The following ANKRD17 variants were observed in gnomAD, a reference collection of about 807,000 sequenced individuals.
The protein encoded by ANKRD17 is ankyrin repeat domain-containing protein 17.
ANKRD17 carries 19 observed loss-of-function variants against 229.7 expected under a neutral mutation model. The observed-to-expected ratio is 0.08, with a 90% CI of 0.06 to 0.12. The LOEUF is 0.12. Ranked by LOEUF, ANKRD17 falls within the 10% of genes least tolerant of loss-of-function variation. The pLI is 1.00. For missense variants in ANKRD17, 2,176 were observed against 3,176.8 expected, an observed-to-expected ratio of 0.68 and a Z score of 7.57; for synonymous variants, 1,112 against 1,146.1, an observed-to-expected ratio of 0.97 and a Z score of 0.60.
At chr4:73,083,207 G>C (rs961308100) in intron 30 of ANKRD17, among the ~76,000 whole-genome samples, 3 of 152,176 alleles carry the variant, frequency 2.0e-5, no homozygotes, top group Non-Finnish European at 4.4e-5. Flanking sequence ...TGTGAGCCTT[G>C]AGTGGTAGTT....
intron 1 of ANKRD17, 151 bp downstream of exon 1, chr4:73,258,125 T>G: frequency 7.2e-7 from 1 of 1,384,716 alleles, no homozygotes; most frequent in East Asian, 2.4e-5. Context: ...CACCTCACGA[T>G]TTAGGCCGAG....
At chr4:73,181,743 T>A (rs1023714110) in intron 1 of ANKRD17, among the ~76,000 whole-genome samples, 4 of 151,884 alleles carry the variant, frequency 2.6e-5, no homozygotes, top group Non-Finnish European at 4.4e-5. Flanking sequence ...ATGGTCCAAA[T>A]AAGAAATTAA....
intron 6 of ANKRD17, 61 bp downstream of exon 6, chr4:73,153,819 A>G (rs957794738): frequency 5.2e-6 from 6 of 1,156,216 alleles, no homozygotes; most frequent in Non-Finnish European, 7.0e-6. Flanking sequence ...ACAAGATTAC[A>G]TAAAATAATT....
Position 73,074,799 on chromosome 4 carries a change from T to C in ANKRD17, c.*1432A>G, listed in dbSNP as rs1720902518. ...ACAAATTGATATATACATTACTCGA[T>C]TTTTATGCTTACTTTCTTTTACATT... On this transcript the variant is annotated 3_prime_UTR_variant, in exon 34 of 34. Coordinates refer to ENST00000358602, the MANE Select transcript of ANKRD17 (RefSeq NM_032217.5). 1 of 152,482 alleles carries C rather than the reference T, an allele frequency of 6.6e-6. No homozygotes were observed. Among genetic ancestry groups the C allele is most frequent in the Non-Finnish European group, 1.5e-5 (1 of 67,896 alleles). The allele number at this position is 152,482 out of a possible 1,614,324, so 9.4% of individuals were successfully genotyped here. A position where few individuals can be genotyped will look rare whatever the true frequency, so the allele number is the denominator to read the frequency against.
intron 29 of ANKRD17, among the ~76,000 whole-genome samples, chr4:73,087,397 A>T (rs2110137175): frequency 6.6e-6 from 1 of 152,298 alleles, no homozygotes; most frequent in African/African-American, 2.4e-5. Context: ...TCTGTCATTG[A>T]TAAAATGCAG....
At chr4:73,246,353 G>A (rs1245850818) in intron 1 of ANKRD17, among the ~76,000 whole-genome samples, 1 of 152,176 alleles carries the variant, frequency 6.6e-6, no homozygotes, top group Non-Finnish European at 1.5e-5. Context: ...AAGAGGGAGA[G>A]ATAGTTGTTT....
At position 73,219,903 on chromosome 4, in the gene ANKRD17, A is replaced by T. The variant is rs113583252; in HGVS notation, c.393+38373T>A. On this transcript the variant is annotated intron_variant, in intron 1 of 33. Transcript: ENST00000358602. Reference sequence around the variant, plus strand: ...ACTTAATCAAAATTAAAGGATGGAAATATCTGTGAAGATTTCTTATTACTA... The same window carrying T: ...ACTTAATCAAAATTAAAGGATGGAATTATCTGTGAAGATTTCTTATTACTA... Among the ~76,000 whole-genome samples, 1,218 of 152,316 alleles carry T rather than the reference A, an allele frequency of 8.0e-3. 18 individuals carry two copies. Among genetic ancestry groups the T allele is most frequent in the African/African-American group, 0.028 (1,145 of 41,570 alleles).
chr4:73,103,820 C>T (rs1724283192), intron 24 of ANKRD17, among the ~76,000 whole-genome samples: 1 of 140,072 alleles, frequency 7.1e-6, no homozygotes, highest in Non-Finnish European at 1.5e-5. Flanking sequence ...TCAAATTAAC[C>T]CTCTCCGGTT....
chr4:73,206,546 T>C (rs1048045327), intron 1 of ANKRD17, among the ~76,000 whole-genome samples: 19 of 148,874 alleles, frequency 1.3e-4, no homozygotes, highest in African/African-American at 4.4e-4. Context: ...GAGAACACTG[T>C]GCTCAATGAA....
At chr4:73,106,616 C>G (rs1288505984) in intron 24 of ANKRD17, among the ~76,000 whole-genome samples, 3 of 152,130 alleles carry the variant, frequency 2.0e-5, no homozygotes, top group Non-Finnish European at 4.4e-5. Flanking sequence ...CACGGTGGCT[C>G]ACGCCTGTAA....
Position 73,258,330 on chromosome 4 carries a change from A to G in ANKRD17, c.339T>C (p.Ser113=), listed in dbSNP as rs141255932. The change falls in exon 1 of 34, where the codon AGT becomes AGC. Residue 113 remains serine, a synonymous_variant. Coordinates refer to ENST00000358602, the MANE Select transcript of ANKRD17 (RefSeq NM_032217.5). ...GGGGGGGGTS[S]NNSEEEEDDD... is the part of the protein sequence containing the mutation. ...CGTCCTCTTCTTCCTCGCTGTTGTT[A>G]CTGCTGGTGCCGCCGCCGCCACCTC... The G allele has an allele frequency of 1.8e-5, 29 of 1,612,878 alleles. No individual in the cohort carries two copies. Among genetic ancestry groups the G allele is most frequent in the Non-Finnish European group, 2.5e-5 (29 of 1,179,842 alleles).
intron 16 of ANKRD17, 75 bp downstream of exon 16, chr4:73,135,039 TAAA>T: frequency 6.9e-7 from 1 of 1,441,064 alleles, no homozygotes. Context: ...TTTCATGGTT[TAAA>T]TCTCTGAAAG....
Position 73,090,909 on chromosome 4 carries a change from G to C in ANKRD17, c.6719C>G (p.Pro2240Arg). 2 of 1,614,234 alleles carry C rather than the reference G, an allele frequency of 1.2e-6. No homozygotes were observed. Among genetic ancestry groups the C allele is most frequent in the Non-Finnish European group, 1.7e-6 (2 of 1,180,048 alleles). ...CQNSVHPANKPIAPNFSAPLP... is the reference protein window; with the variant it reads ...CQNSVHPANKRIAPNFSAPLP... The stretch of plus-strand genomic sequence containing the variant: ...GGGGGCACTGAAATTGGGAGCAATA[G>C]GCTTATTTGCTGGATGTACTGAATT... Residue 2240 changes from proline to arginine, a missense_variant, in exon 29 of 34, where the codon CCT (proline) becomes CGT (arginine). Around this residue, in one of 18 missense-constraint regions of ANKRD17, gnomAD observed 424 missense variants for 454.0 expected, o/e 0.93. Transcript: ENST00000358602.
chr4:73,199,331 CAA>C (rs1290484650), intron 1 of ANKRD17, among the ~76,000 whole-genome samples: 1 of 151,724 alleles, frequency 6.6e-6, no homozygotes. Context: ...GCCAGAAAGA[CAA>C]AGAGAAAGGC....
chr4:73,135,902 G>A (rs1173468021), intron 15 of ANKRD17, among the ~76,000 whole-genome samples: 2 of 152,158 alleles, frequency 1.3e-5, no homozygotes, highest in African/African-American at 4.8e-5. Flanking sequence ...GAGCTAAAAT[G>A]CTCACCAATG....
intron 2 of ANKRD17, among the ~76,000 whole-genome samples, chr4:73,175,162 T>C (rs1347032751): frequency 6.6e-6 from 1 of 152,158 alleles, no homozygotes; most frequent in Non-Finnish European, 1.5e-5. Context: ...CAGTTCCACA[T>C]GGCTGCGAGG....
At chr4:73,120,023 T>C in intron 21 of ANKRD17, 139 bp downstream of exon 21, 1 of 850,206 alleles carries the variant, frequency 1.2e-6, no homozygotes, top group Non-Finnish European at 1.9e-6. Context: ...AAACAATGGG[T>C]AGGTTTGGGG....
intron 5 of ANKRD17, 144 bp from the exon 6 acceptor site, chr4:73,154,257 CTATA>C (rs953713797): frequency 4.3e-5 from 16 of 374,094 alleles, no homozygotes; most frequent in African/African-American, 3.4e-4. Flanking sequence ...AAATATATAT[CTATA>C]TATAAAATTC....
chr4:73,195,952 A>C (rs1737811640), intron 1 of ANKRD17, among the ~76,000 whole-genome samples: 1 of 150,818 alleles, frequency 6.6e-6, no homozygotes, highest in Non-Finnish European at 1.5e-5. Context: ...TCCCTCTGTT[A>C]GTATGATTAG....
Sources: allele counts gnomAD v4.1 joint callset (sites outside exome capture counted in the v4.1 genomes callset), GRCh38; gene constraint gnomAD v4.1.1; regional missense constraint gnomAD v4.1.1; transcripts MANE v1.5; gene names NCBI Gene and HGNC (gene_info 2026-07-23, HGNC 2026-07-21).